The following AHCY variants were observed in gnomAD, a reference collection of about 807,000 sequenced individuals.
AHCY encodes the protein adenosylhomocysteinase.
AHCY carries 24 observed loss-of-function variants against 45.4 expected under a neutral mutation model. The observed-to-expected ratio is 0.53, with a 90% CI of 0.38 to 0.74. AHCY has a LOEUF of 0.74. Ranked by LOEUF, AHCY falls within the 30% of genes least tolerant of loss-of-function variation. AHCY has a pLI of 0.00. For synonymous variants in AHCY, 245 were observed against 235.1 expected, an observed-to-expected ratio of 1.04 and a Z score of -0.39; for missense variants, 449 against 594.1, an observed-to-expected ratio of 0.76 and a Z score of 2.54.
At chr20:34,260,341 G>A in the AHCY span, 4 of 1,598,896 alleles carry the variant, frequency 2.5e-6, no homozygotes, top group East Asian at 9.0e-5. Flanking sequence ...CCACCCACCT[G>A]ACCACCTTCT....
At chr20:34,295,371 G>T in intron 2 of AHCY, 24 bp downstream of exon 2, 1 of 1,613,658 alleles carries the variant, frequency 6.2e-7, no homozygotes. Flanking sequence ...AAGGACTCTG[G>T]GGTGATACAG....
At chr20:34,297,543 G>A (rs1442511952) in intron 1 of AHCY, among the ~76,000 whole-genome samples, 1 of 152,034 alleles carries the variant, frequency 6.6e-6, no homozygotes, top group Non-Finnish European at 1.5e-5. Context: ...TGATCCACCT[G>A]CTTCAGCCTC....
At chr20:34,283,132 C>A (rs1262085578) in intron 9 of AHCY, among the ~76,000 whole-genome samples, 2 of 152,070 alleles carry the variant, frequency 1.3e-5, no homozygotes, top group East Asian at 3.9e-4. Flanking sequence ...GGCCTCCAAC[C>A]CCCACAGTAC....
chr20:34,299,593 A>C (rs2036701401), intron 1 of AHCY, among the ~76,000 whole-genome samples: 2 of 151,190 alleles, frequency 1.3e-5, no homozygotes, highest in Admixed American at 6.6e-5. Flanking sequence ...AGCCCAAACT[A>C]CTCCCCTGAA....
upstream of AHCY, chr20:34,303,360 G>T (rs1176526038): frequency 5.9e-6 from 9 of 1,526,180 alleles, no homozygotes; most frequent in African/African-American, 8.3e-5. Flanking sequence ...GCAGGGATAT[G>T]CGCGTGGCGC....
In AHCY at chr20:34,282,437, C is replaced by CA. The variant is rs60777073; in HGVS notation, c.1168-1273dup. ...CAGAAGCAGCCAGCTAAGCTGATCT[C>CA]AAATTCTTGACCCACAGAAACTGAA... On this transcript the variant is annotated intron_variant, in intron 9 of 9. Coordinates refer to ENST00000217426, the MANE Select transcript of AHCY (RefSeq NM_000687.4). Among the ~76,000 whole-genome samples the CA allele has an allele frequency of 5.9e-3, 895 of 152,328 alleles. 12 individuals carry two copies. Among genetic ancestry groups the CA allele is most frequent in the African/African-American group, 0.02 (827 of 41,558 alleles).
chr20:34,267,923 TA>T, the AHCY span, among the ~76,000 whole-genome samples: 5 of 149,526 alleles, frequency 3.3e-5, no homozygotes, highest in African/African-American at 1.3e-4. Context: ...AATATGTGAT[TA>T]ATTTAAAAAG....
the AHCY span, among the ~76,000 whole-genome samples, chr20:34,267,388 G>A: frequency 6.8e-6 from 1 of 146,654 alleles, no homozygotes; most frequent in Non-Finnish European, 1.5e-5. Flanking sequence ...AATACAATGT[G>A]AGGCCAGGCG....
chr20:34,285,976 G>C, intron 8 of AHCY: 1 of 333,720 alleles, frequency 3.0e-6, no homozygotes, highest in Non-Finnish European at 5.8e-6. Flanking sequence ...GTGGTAGCAG[G>C]CGCCTGTGGT....
At chr20:34,257,070 C>CTTTTTTTTTTTTTTTTTTTT in the AHCY span, among the ~76,000 whole-genome samples, 5 of 139,420 alleles carry the variant, frequency 3.6e-5, no homozygotes, top group Admixed American at 7.2e-5. Context: ...CTTTCTTTCT[C>CTTTTTTTTTTTTTTTTTTTT]TTTTTTTTTT....
At chr20:34,273,223 T>C in the AHCY span, among the ~76,000 whole-genome samples, 6 of 15,424 alleles carry the variant, frequency 3.9e-4, no homozygotes, top group Admixed American at 6.9e-3. Flanking sequence ...GTGGTGACCC[T>C]TTTTTTTTTT....
At position 34,295,411 on chromosome 20, in the gene AHCY, A is replaced by C. The variant is rs1277974884; in HGVS notation, c.203T>G (p.Val68Gly). 1 of 1,614,000 alleles carries C rather than the reference A, an allele frequency of 6.2e-7. No individual in the cohort carries two copies. Among genetic ancestry groups the C allele is most frequent in the Non-Finnish European group, 8.5e-7 (1 of 1,179,902 alleles). Residue 68 changes from valine to glycine, a missense_variant, in exon 2 of 10, where the codon GTC becomes GGC. Coordinates refer to ENST00000217426, the MANE Select transcript of AHCY (RefSeq NM_000687.4). ...VETAVLIETL[V>G]TLGAEVQWSS... ...GGGCCTCACCTCAGCACCCAGGGTG[A>C]CGAGGGTCTCAATGAGGACGGCCGT... is the stretch of plus-strand genomic sequence containing the variant.
chr20:34,307,920 GT>G (rs924243611), upstream of AHCY, among the ~76,000 whole-genome samples: 142 of 148,242 alleles, frequency 9.6e-4, no homozygotes, highest in Middle Eastern at 3.5e-3. Flanking sequence ...CAGCACCTAA[GT>G]TTTTTTTTTT....
the AHCY span, among the ~76,000 whole-genome samples, chr20:34,265,685 C>T: frequency 6.6e-6 from 1 of 152,156 alleles, no homozygotes; most frequent in Non-Finnish European, 1.5e-5. Flanking sequence ...CACAGTGGCT[C>T]ACACCTGTAA....
the AHCY span, among the ~76,000 whole-genome samples, chr20:34,267,459 C>CAAAAAA: frequency 1.3e-3 from 60 of 46,176 alleles, 2 homozygotes; most frequent in African/African-American, 2.0e-3. Flanking sequence ...AACTGGCTCT[C>CAAAAAA]AAAAAAAAAA....
At chr20:34,282,722 C>T in intron 9 of AHCY, among the ~76,000 whole-genome samples, 1 of 152,184 alleles carries the variant, frequency 6.6e-6, no homozygotes, top group East Asian at 1.9e-4. Flanking sequence ...CAAAATGTGT[C>T]TCAAGCATCC....
chr20:34,293,938 T>A lies in AHCY; in HGVS notation c.295+143A>T, dbSNP rs1601666792. The A allele has an allele frequency of 3.2e-5, 26 of 816,404 alleles. No individual in the cohort carries two copies. In the East Asian group the frequency reaches 6.6e-4, roughly 21 times the overall value. 50.6% of individuals were successfully genotyped at this position (816,404 alleles called of 1,614,324 possible). A position where few individuals can be genotyped will look rare whatever the true frequency, so the allele number is the denominator to read the frequency against. ...GATGGGACAAAGCAGCTCTTTCCTG[T>A]GGGGTCGCTGGGCTAGGATTTTGTG... On this transcript the variant is annotated intron_variant, in intron 3 of 9. Transcript: ENST00000217426.
upstream of AHCY, among the ~76,000 whole-genome samples, chr20:34,306,359 T>A (rs1334721990): frequency 7.7e-6 from 1 of 129,950 alleles, no homozygotes; most frequent in East Asian, 2.3e-4. Context: ...AATTTCCTAT[T>A]ATTTCAGCTT....
At chr20:34,241,548 A>C in the AHCY span, 3 of 984,982 alleles carry the variant, frequency 3.0e-6, no homozygotes, top group Non-Finnish European at 3.6e-6. Context: ...CTACTTTGGA[A>C]AGTTGAAAGG....
Sources: allele counts gnomAD v4.1 joint callset (sites outside exome capture counted in the v4.1 genomes callset), GRCh38; gene constraint gnomAD v4.1.1; transcripts MANE v1.5; gene names NCBI Gene and HGNC (gene_info 2026-07-23, HGNC 2026-07-21).